TNIK: variants seen among roughly 807,000 people sequenced by gnomAD.
TNIK encodes TRAF2 and NCK interacting kinase.
Under a neutral mutation model 191.3 loss-of-function variants are expected in TNIK, and 49 were observed. That is an observed-to-expected ratio of 0.26 (90% CI 0.20 to 0.32). The LOEUF (loss-of-function observed/expected upper bound fraction) is 0.32, where lower values mean the gene tolerates loss of function less well. Ranked by LOEUF, TNIK falls within the 10% of genes least tolerant of loss-of-function variation. The pLI, the probability that TNIK is intolerant of heterozygous loss-of-function variation, is 1.00. For missense variants in TNIK, 1,155 were observed against 1,702.3 expected (o/e 0.68, Z 5.66); for synonymous variants, 594 against 600.9 (o/e 0.99, Z 0.17).
chr3:171,257,788 AC>A (rs1316791116), intron 2 of TNIK, among the ~76,000 whole-genome samples: 3 of 152,174 alleles, frequency 2.0e-5, no homozygotes, highest in Admixed American at 6.5e-5. Flanking sequence ...AGAGCAGGCT[AC>A]TTTTTCATCC....
At chr3:171,223,760 A>G (rs1302035330) in intron 3 of TNIK, among the ~76,000 whole-genome samples, 1 of 152,210 alleles carries the variant, frequency 6.6e-6, no homozygotes, top group Non-Finnish European at 1.5e-5. Flanking sequence ...GTTAGCTACC[A>G]TTATTATTCT....
chr3:171,246,137 C>T (rs964157419), intron 2 of TNIK, among the ~76,000 whole-genome samples: 3 of 152,084 alleles, frequency 2.0e-5, no homozygotes, highest in African/African-American at 7.2e-5. Context: ...CTGCCTTATT[C>T]CCTGAGCCTA....
rs190449111 is a variant in TNIK at position 171,228,631 on chromosome 3, T to C, written c.124-410A>G. On this transcript the variant is annotated intron_variant, in intron 2 of 32. Transcript: ENST00000436636. ...CTTTCATTCTTAAAATATCCTGTGA[T>C]GGTTTTAACTGGATATGATTCTGCT... 2.8e-4 allele frequency among the ~76,000 whole-genome samples: 43 copies of C among 152,366 alleles called. 1 individual carries two copies. The highest frequency in any genetic ancestry group is 9.9e-4 in the African/African-American group (41 of 41,584).
At chr3:171,334,496 T>G (rs1202246389) in intron 2 of TNIK, among the ~76,000 whole-genome samples, 6 of 152,190 alleles carry the variant, frequency 3.9e-5, no homozygotes, top group Non-Finnish European at 8.8e-5. Context: ...ATGGCCACAT[T>G]AGGGCATCCA....
intron 2 of TNIK, among the ~76,000 whole-genome samples, chr3:171,284,671 A>T (rs912352873): frequency 1.3e-5 from 2 of 152,146 alleles, no homozygotes; most frequent in Non-Finnish European, 2.9e-5. Flanking sequence ...TCCCAAAGAA[A>T]TCCTTTTGCC....
intron 15 of TNIK, among the ~76,000 whole-genome samples, chr3:171,136,617 T>A (rs927050917): frequency 7.2e-5 from 11 of 152,210 alleles, no homozygotes; most frequent in Admixed American, 2.0e-4. Context: ...TTCCTGCAGG[T>A]GCTACTGACA....
rs531644610 is a variant in TNIK, at chr3:171,113,810, C to T, written c.2121-2933G>A. ...TAATGAACGGGACACAGCCTGTGCC[C>T]TCTGTGAGCTTAGCTGGATATACAC... On this transcript the variant is annotated intron_variant, in intron 18 of 32. Coordinates refer to ENST00000436636, the MANE Select transcript of TNIK (RefSeq NM_015028.4). 7.2e-5 allele frequency among the ~76,000 whole-genome samples: 11 copies of T among 151,962 alleles called. No individual in the cohort carries two copies. In the East Asian group the frequency reaches 2.1e-3, roughly 29 times the overall value.
At chr3:171,376,056 G>A (rs1465298049) in intron 1 of TNIK, among the ~76,000 whole-genome samples, 2 of 152,030 alleles carry the variant, frequency 1.3e-5, no homozygotes, top group Non-Finnish European at 2.9e-5. Context: ...CTAAACTTAC[G>A]GGCCTTAAGA....
intron 30 of TNIK, 83 bp downstream of exon 30, chr3:171,068,765 A>T: frequency 7.1e-7 from 1 of 1,416,268 alleles, no homozygotes; most frequent in Non-Finnish European, 9.4e-7. Context: ...CATGACTTCT[A>T]CTAAAACTAT....
At chr3:171,382,218 C>CTTTTTTTTTTTTT (rs63626462) in intron 1 of TNIK, among the ~76,000 whole-genome samples, 1 of 99,146 alleles carries the variant, frequency 1.0e-5, no homozygotes, top group Non-Finnish European at 1.9e-5. Flanking sequence ...TTGAATACAT[C>CTTTTTTTTTTTTT]TTTTTTTTTT....
At chr3:171,127,932 T>A (rs369538754) in intron 16 of TNIK, among the ~76,000 whole-genome samples, 4 of 152,230 alleles carry the variant, frequency 2.6e-5, no homozygotes, top group African/African-American at 9.6e-5. Context: ...CAGAAGAAAC[T>A]ACATTATTTT....
intron 2 of TNIK, 42 bp downstream of exon 2, chr3:171,369,578 C>A: frequency 3.3e-6 from 5 of 1,519,812 alleles, no homozygotes; most frequent in Non-Finnish European, 3.6e-6. Context: ...CATTCATGAA[C>A]TGAAACCGTA....
chr3:171,399,642 A>C (rs1720670946), intron 1 of TNIK, among the ~76,000 whole-genome samples: 1 of 152,222 alleles, frequency 6.6e-6, no homozygotes, highest in Non-Finnish European at 1.5e-5. Flanking sequence ...TTTTATGGCA[A>C]TAAATATTAT....
At position 171,347,268 on chromosome 3, in the gene TNIK, C is replaced by A. The variant is rs1307435684; in HGVS notation, c.123+22352G>T. 8 of 1,512,298 alleles carry A rather than the reference C, an allele frequency of 5.3e-6. 1 individual carries two copies. In the South Asian group the frequency reaches 9.8e-5, roughly 19 times the overall value. 93.7% of individuals were successfully genotyped at this position (1,512,298 alleles called of 1,614,324 possible). A position where few individuals can be genotyped will look rare whatever the true frequency, so the allele number is the denominator to read the frequency against. On this transcript the variant is annotated intron_variant, in intron 2 of 32. Coordinates refer to ENST00000436636, the MANE Select transcript of TNIK (RefSeq NM_015028.4). ...AAAAATGACAAAACCCTAGCTCAGG[C>A]ACCAAACACATAGAGCACACTCTCT...
intron 2 of TNIK, among the ~76,000 whole-genome samples, chr3:171,285,541 T>C (rs1750917505): frequency 6.6e-6 from 1 of 152,232 alleles, no homozygotes; most frequent in Non-Finnish European, 1.5e-5. Context: ...TTCTCACCTA[T>C]ACAGTGAAGG....
chr3:171,158,163 A>G (rs6785269), intron 11 of TNIK, among the ~76,000 whole-genome samples: 121,792 of 152,182 alleles, frequency 0.8, 49,451 homozygotes, highest in African/African-American at 0.94. Flanking sequence ...GCCACGATGA[A>G]CTAGCGATGG....
chr3:171,279,134 A>G (rs73171575), intron 2 of TNIK, among the ~76,000 whole-genome samples: 24,826 of 150,186 alleles, frequency 0.17, 2,062 homozygotes, highest in Non-Finnish European at 0.18. Context: ...ACTAGCAAAA[A>G]GAAAAAAAAA....
At chr3:171,424,983 TAA>T (rs11397416) in intron 1 of TNIK, among the ~76,000 whole-genome samples, 54 of 148,782 alleles carry the variant, frequency 3.6e-4, no homozygotes, top group African/African-American at 1.3e-3. Flanking sequence ...TAAAGCATAA[TAA>T]AAAAAAAAAA....
At position 171,093,896 on chromosome 3, in the gene TNIK, A is replaced by T. The variant is rs753853420; in HGVS notation, c.2664T>A (p.Ser888=). The T allele has an allele frequency of 1.6e-5, 26 of 1,613,814 alleles. No homozygotes were observed. The highest frequency in any genetic ancestry group is 1.9e-5 in the Non-Finnish European group (22 of 1,179,866). Reference sequence around the variant, plus strand: ...TACTGCCGCTGAAACTGTCCGCATGAGAGGTCTCCAGCCCATGCGTCCCCA... The same window carrying T: ...TACTGCCGCTGAAACTGTCCGCATGTGAGGTCTCCAGCCCATGCGTCCCCA... ...GMVGTHGLET[S]HADSFSGSIS... is the part of the protein sequence containing the mutation. Residue 888 remains serine (S), a synonymous_variant, in exon 23 of 33, where the codon TCT becomes TCA. Coordinates refer to ENST00000436636, the MANE Select transcript of TNIK (RefSeq NM_015028.4).
Sources: gnomAD v4.1 joint callset for allele counts (sites outside exome capture counted in the v4.1 genomes callset) on GRCh38, gnomAD v4.1.1 for gene constraint, MANE v1.5 for transcripts, NCBI Gene and HGNC (gene_info 2026-07-23, HGNC 2026-07-21) for gene names.